CABCOCO1: variants seen among roughly 807,000 people sequenced by gnomAD.
The protein encoded by CABCOCO1 is ciliary associated calcium binding coiled-coil 1, also known as ciliary-associated calcium-binding coiled-coil protein 1.
Under a neutral mutation model 35.7 loss-of-function variants are expected in CABCOCO1, and 28 were observed. The observed-to-expected ratio is 0.78, with a 90% CI of 0.58 to 1.07. CABCOCO1 has a LOEUF of 1.07. Among genes scored for constraint, CABCOCO1 ranks in the 50% least tolerant of loss-of-function variants. CABCOCO1 has a pLI of 0.00. For missense variants in CABCOCO1, 326 were observed against 309.2 expected (o/e 1.05, Z -0.41); for synonymous variants, 95 against 100.1 (o/e 0.95, Z 0.30).
intron 5 of CABCOCO1, among the ~76,000 whole-genome samples, chr10:61,733,671 A>G (rs146336100): frequency 4.5e-4 from 69 of 152,254 alleles, no homozygotes; most frequent in East Asian, 2.7e-3. Flanking sequence ...GCAACTAGAC[A>G]TTAAATTACT....
intron 5 of CABCOCO1, among the ~76,000 whole-genome samples, chr10:61,715,512 A>G (rs945788071): frequency 2.6e-5 from 4 of 152,146 alleles, no homozygotes; most frequent in Non-Finnish European, 5.9e-5. Context: ...GCCCATTTAC[A>G]TTTAAGGTTA....
At chr10:61,720,785 ACAGTCTATATAGC>A (rs1840986957) in intron 5 of CABCOCO1, among the ~76,000 whole-genome samples, 1 of 152,066 alleles carries the variant, frequency 6.6e-6, no homozygotes, top group Non-Finnish European at 1.5e-5. Flanking sequence ...GACTTAAAGA[ACAGTCTATATAGC>A]GGTGAACCTC....
intron 5 of CABCOCO1, among the ~76,000 whole-genome samples, chr10:61,696,498 CT>C (rs1840299762): frequency 6.6e-6 from 1 of 151,798 alleles, no homozygotes; most frequent in Non-Finnish European, 1.5e-5. Flanking sequence ...AAGGTCAATT[CT>C]TTTTTTCATC....
chr10:61,731,420 C>A (rs931238165), intron 5 of CABCOCO1, among the ~76,000 whole-genome samples: 1 of 151,906 alleles, frequency 6.6e-6, no homozygotes, highest in Non-Finnish European at 1.5e-5. Flanking sequence ...TTCTTTCAGT[C>A]CTTCACCTGA....
intron 5 of CABCOCO1, among the ~76,000 whole-genome samples, chr10:61,694,432 T>A (rs1258121145): frequency 1.3e-5 from 2 of 151,500 alleles, no homozygotes; most frequent in East Asian, 3.9e-4. Flanking sequence ...TTTAGTAAAT[T>A]GGCATGTACA....
chr10:61,705,831 G>A (rs997285438), intron 5 of CABCOCO1, among the ~76,000 whole-genome samples: 1 of 152,168 alleles, frequency 6.6e-6, no homozygotes, highest in East Asian at 1.9e-4. Context: ...CATAGAGGGT[G>A]AGCACCTCTT....
chr10:61,758,034 G>GA (rs1841935064), intron 5 of CABCOCO1, among the ~76,000 whole-genome samples: 1 of 152,104 alleles, frequency 6.6e-6, no homozygotes. Flanking sequence ...CAGTAGACCA[G>GA]AAAAAATTCT....
intron 5 of CABCOCO1, among the ~76,000 whole-genome samples, chr10:61,727,247 CA>C (rs140253369): frequency 0.04 from 5,997 of 150,786 alleles, 295 homozygotes; most frequent in African/African-American, 0.11. Context: ...CTACAACCAA[CA>C]AAAAAAAATC....
chr10:61,685,959 CA>C, intron 3 of CABCOCO1, 81 bp from the exon 4 acceptor site: 1 of 1,241,878 alleles, frequency 8.1e-7, no homozygotes, highest in East Asian at 2.8e-5. Context: ...TAAATTTTGG[CA>C]CATTGAAAAC....
intron 5 of CABCOCO1, among the ~76,000 whole-genome samples, chr10:61,748,059 G>A (rs1202975730): frequency 6.6e-6 from 1 of 152,050 alleles, no homozygotes; most frequent in Non-Finnish European, 1.5e-5. Context: ...CATTAGCATA[G>A]GATGAATATG....
At chr10:61,679,287 CTA>C (rs971728362) in intron 2 of CABCOCO1, among the ~76,000 whole-genome samples, 2 of 89,608 alleles carry the variant, frequency 2.2e-5, no homozygotes, top group African/African-American at 1.1e-4. Flanking sequence ...GAGCTTATAT[CTA>C]TATCTATATC....
chr10:61,668,033 T>C (rs1056325587), intron 1 of CABCOCO1, among the ~76,000 whole-genome samples: 17 of 151,902 alleles, frequency 1.1e-4, no homozygotes, highest in African/African-American at 4.1e-4. Context: ...TTAGCATTTT[T>C]TTCTTTTCAT....
intron 5 of CABCOCO1, among the ~76,000 whole-genome samples, chr10:61,728,963 G>T (rs532072784): frequency 5.3e-5 from 8 of 152,070 alleles, no homozygotes; most frequent in Admixed American, 5.2e-4. Flanking sequence ...GGTTACATGT[G>T]GGGGGAACTG....
chr10:61,663,235 G>GC (rs1051184552), intron 1 of CABCOCO1: 341 of 164,244 alleles, frequency 2.1e-3, no homozygotes, highest in Non-Finnish European at 3.1e-3. Context: ...GCAGCCCGGC[G>GC]CCCCCCAGCC....
chr10:61,732,948 G>A (rs1031245339), intron 5 of CABCOCO1, among the ~76,000 whole-genome samples: 1 of 151,956 alleles, frequency 6.6e-6, no homozygotes, highest in Non-Finnish European at 1.5e-5. Flanking sequence ...TACAGTGAAT[G>A]TTTTTAGAGC....
chr10:61,689,090 A>T (rs61850472), intron 4 of CABCOCO1, among the ~76,000 whole-genome samples: 19,536 of 152,226 alleles, frequency 0.13, 1,365 homozygotes, highest in Middle Eastern at 0.21. Flanking sequence ...AGGAAAGAAG[A>T]TTTATGAACT....
At chr10:61,724,555 A>C (rs1361778561) in intron 5 of CABCOCO1, among the ~76,000 whole-genome samples, 1 of 152,190 alleles carries the variant, frequency 6.6e-6, no homozygotes, top group Admixed American at 6.6e-5. Context: ...CCATATCTAA[A>C]ACTTAGATAC....
chr10:61,728,762 T>C (rs1418526716), intron 5 of CABCOCO1, among the ~76,000 whole-genome samples: 1 of 152,094 alleles, frequency 6.6e-6, no homozygotes, highest in African/African-American at 2.4e-5. Context: ...GAGCCACCTT[T>C]GAGTCAACAC....
intron 2 of CABCOCO1, among the ~76,000 whole-genome samples, chr10:61,677,814 T>C (rs920384856): frequency 1.1e-5 from 1 of 92,420 alleles, no homozygotes; most frequent in Non-Finnish European, 2.0e-5. Flanking sequence ...TTTGGGTGTT[T>C]TTTTTTTTTT....
Sources: allele counts gnomAD v4.1 joint callset (sites outside exome capture counted in the v4.1 genomes callset), GRCh38; gene constraint gnomAD v4.1.1; transcripts MANE v1.5; gene names NCBI Gene and HGNC (gene_info 2026-07-23, HGNC 2026-07-21).